Variants in AGBL4 observed in about 807,000 individuals in gnomAD.
AGBL4 encodes cytosolic carboxypeptidase 6.
A neutral mutation model predicts 66.4 loss-of-function variants in AGBL4; 58 were observed. That is an observed-to-expected ratio of 0.87 (90% CI 0.71 to 1.09). AGBL4 has a LOEUF of 1.09. Among genes scored for constraint, AGBL4 ranks in the 50% least tolerant of loss-of-function variants. The probability of loss-of-function intolerance (pLI) is 0.00; values close to 1 mark genes in which losing one functional copy is unlikely to be tolerated. For missense variants in AGBL4, 579 were observed against 631.0 expected (o/e 0.92, Z 0.88); for synonymous variants, 234 against 222.9 (o/e 1.05, Z -0.44).
At chr1:48,807,891 G>A (rs1239842915) in intron 6 of AGBL4, among the ~76,000 whole-genome samples, 1 of 152,112 alleles carries the variant, frequency 6.6e-6, no homozygotes, top group Non-Finnish European at 1.5e-5. Flanking sequence ...GCTTTTAGGG[G>A]TAGAGAAAAC....
intron 4 of AGBL4, among the ~76,000 whole-genome samples, chr1:49,084,820 A>T (rs2147965000): frequency 6.6e-6 from 1 of 152,316 alleles, no homozygotes; most frequent in African/African-American, 2.4e-5. Flanking sequence ...TTCCAAATCA[A>T]TGATTGGCTT....
At chr1:48,645,008 A>C (rs1262169109) in intron 8 of AGBL4, among the ~76,000 whole-genome samples, 2 of 152,208 alleles carry the variant, frequency 1.3e-5, no homozygotes, top group East Asian at 3.9e-4. Flanking sequence ...ACTTGCTATC[A>C]ACTCTAACTT....
chr1:49,213,412 G>A (rs1043551749), intron 4 of AGBL4, among the ~76,000 whole-genome samples: 2 of 152,006 alleles, frequency 1.3e-5, no homozygotes, highest in Non-Finnish European at 2.9e-5. Context: ...GGGTCATGGC[G>A]GCAGATCCCT....
intron 5 of AGBL4, among the ~76,000 whole-genome samples, chr1:48,975,893 T>C (rs913973534): frequency 2.0e-4 from 30 of 152,122 alleles, no homozygotes. Flanking sequence ...TATAGTTTTA[T>C]AGTCCCCAAA....
chr1:48,881,357 T>C (rs1649765275), intron 5 of AGBL4, among the ~76,000 whole-genome samples: 1 of 152,208 alleles, frequency 6.6e-6, no homozygotes, highest in Non-Finnish European at 1.5e-5. Flanking sequence ...TTTTTCATTA[T>C]CTTGTTAATT....
chr1:49,844,679 TG>T, intron 2 of AGBL4: 1 of 1,585,460 alleles, frequency 6.3e-7, no homozygotes, highest in Non-Finnish European at 8.6e-7. Flanking sequence ...TTCCAGTTTT[TG>T]CTTCTTTCAG....
chr1:49,850,259 GA>G (rs1404025338), intron 2 of AGBL4, among the ~76,000 whole-genome samples: 3 of 152,178 alleles, frequency 2.0e-5, no homozygotes, highest in Non-Finnish European at 4.4e-5. Flanking sequence ...GATGAAGGCA[GA>G]GATTAGAGTG....
At chr1:49,154,125 G>A (rs1646387206) in intron 4 of AGBL4, among the ~76,000 whole-genome samples, 1 of 152,078 alleles carries the variant, frequency 6.6e-6, no homozygotes, top group African/African-American at 2.4e-5. Context: ...AGAAGCACAG[G>A]CTTTCTGCTG....
chr1:49,240,867 A>G (rs1406647510), intron 4 of AGBL4, among the ~76,000 whole-genome samples: 1 of 151,602 alleles, frequency 6.6e-6, no homozygotes, highest in African/African-American at 2.4e-5. Flanking sequence ...TAAACTCATC[A>G]TCTCCCTTAT....
chr1:49,815,209 C>T (rs1645202302), intron 2 of AGBL4, among the ~76,000 whole-genome samples: 2 of 152,178 alleles, frequency 1.3e-5, no homozygotes, highest in Non-Finnish European at 2.9e-5. Flanking sequence ...TTCTTCTACT[C>T]TCTAACTTCA....
In AGBL4 at chr1:48,997,450, A is replaced by G. The variant is rs1661103242; in HGVS notation, c.594+48134T>C. 2.0e-5 allele frequency among the ~76,000 whole-genome samples: 3 copies of G among 152,222 alleles called. No individual in the cohort carries two copies. The South Asian group carries it at 6.2e-4, about 32-fold the overall frequency. The stretch of plus-strand genomic sequence containing the variant: ...CTTTTAAGAATGAGATAAAGTCACT[A>G]GCTAAGATGACCCATTTGATTCCAT... On this transcript the variant is annotated intron_variant, in intron 5 of 13. Coordinates refer to ENST00000371839, the MANE Select transcript of AGBL4 (RefSeq NM_032785.4).
chr1:49,551,132 C>A (rs1435548815), intron 3 of AGBL4, among the ~76,000 whole-genome samples: 1 of 152,132 alleles, frequency 6.6e-6, no homozygotes, highest in Non-Finnish European at 1.5e-5. Flanking sequence ...ATAAGGGTAT[C>A]CAATGATTCC....
Position 48,705,054 on chromosome 1 carries a change from A to C in AGBL4, c.635-41813T>G, listed in dbSNP as rs1488483663. On this transcript the variant is annotated intron_variant, in intron 6 of 13. Transcript: ENST00000371839. Reference sequence around the variant, plus strand: ...TAGGCGATGGGAATTTTTCAGCTCCATTATAATCTTATGGGACCACTGTTG... The same window carrying C: ...TAGGCGATGGGAATTTTTCAGCTCCCTTATAATCTTATGGGACCACTGTTG... Among the ~76,000 whole-genome samples the C allele has an allele frequency of 1.8e-4, 27 of 152,224 alleles. 1 individual carries two copies. Among genetic ancestry groups the C allele is most frequent in the Admixed American group, 1.8e-3 (27 of 15,274 alleles).
chr1:48,750,669 A>G (rs970490736), intron 6 of AGBL4, among the ~76,000 whole-genome samples: 2 of 152,188 alleles, frequency 1.3e-5, no homozygotes, highest in Non-Finnish European at 2.9e-5. Flanking sequence ...AGGATCCAAT[A>G]ATGTTCCCTG....
chr1:49,954,997 A>T (rs1656473659), intron 1 of AGBL4, among the ~76,000 whole-genome samples: 1 of 151,890 alleles, frequency 6.6e-6, no homozygotes, highest in Non-Finnish European at 1.5e-5. Flanking sequence ...TTCTCATCTC[A>T]AAGAGGCCTC....
chr1:49,927,431 A>T (rs969030930), intron 1 of AGBL4, among the ~76,000 whole-genome samples: 17 of 152,182 alleles, frequency 1.1e-4, no homozygotes, highest in African/African-American at 4.1e-4. Context: ...TCCTTCACAG[A>T]GTAACAAGAT....
At chr1:49,737,298 C>T (rs1649974990) in intron 2 of AGBL4, among the ~76,000 whole-genome samples, 1 of 151,984 alleles carries the variant, frequency 6.6e-6, no homozygotes, top group Admixed American at 6.6e-5. Flanking sequence ...CCCATCAATG[C>T]TAGATTGGAT....
At chr1:49,302,593 ATATTT>A (rs1353101047) in intron 3 of AGBL4, among the ~76,000 whole-genome samples, 2 of 127,100 alleles carry the variant, frequency 1.6e-5, no homozygotes, top group African/African-American at 2.7e-5. Flanking sequence ...ATTTTATTTT[ATATTT>A]TATTTTATTT....
intron 2 of AGBL4, among the ~76,000 whole-genome samples, chr1:49,784,796 T>A (rs1446649690): frequency 6.6e-6 from 1 of 151,432 alleles, no homozygotes; most frequent in Non-Finnish European, 1.5e-5. Context: ...AATGACCCAA[T>A]AAAAAATAAA....
Sources: allele counts gnomAD v4.1 joint callset (sites outside exome capture counted in the v4.1 genomes callset), GRCh38; gene constraint gnomAD v4.1.1; transcripts MANE v1.5; gene names NCBI Gene and HGNC (gene_info 2026-07-23, HGNC 2026-07-21).